Variants in ATXN3 observed in about 807,000 individuals in gnomAD.
ATXN3 encodes ataxin-3.
In ATXN3, 28 loss-of-function variants were observed where a neutral mutation model predicts 58.2. The observed-to-expected ratio is 0.48, with a 90% CI of 0.36 to 0.66. The LOEUF (loss-of-function observed/expected upper bound fraction) is 0.66, where lower values mean the gene tolerates loss of function less well. ATXN3 is among the 30% of genes least tolerant of loss of function. The pLI is 0.00. For missense variants in ATXN3, 321 were observed against 422.1 expected, an observed-to-expected ratio of 0.76 and a Z score of 2.10; for synonymous variants, 113 against 138.5, an observed-to-expected ratio of 0.82 and a Z score of 1.29.
Position 92,082,374 on chromosome 14 carries a change from G to A in ATXN3, c.701C>T (p.Ala234Val). The A allele has an allele frequency of 6.2e-7, 1 of 1,613,670 alleles. No homozygotes were observed. Among genetic ancestry groups the A allele is most frequent in the Non-Finnish European group, 8.5e-7 (1 of 1,179,608 alleles). The change falls in exon 8 of 11, where the codon GCA (alanine) becomes GTA (valine). Residue 234 changes from alanine to valine, a missense_variant. By Grantham distance (64) the Ala-to-Val change is moderately conservative. Around this residue, in one of 2 missense-constraint regions of ATXN3, gnomAD observed 200 missense variants for 223.2 expected, o/e 0.90. Transcript: ENST00000644486. ...EDEEDLQRALALSRQEIDMED... is the reference protein window; with the variant it reads ...EDEEDLQRALVLSRQEIDMED... ...CATGTCAATTTCTTGGCGACTTAGTGCCAGAGCCCTCTGCAAATCCTCCTC... is the reference window on the plus strand; with the variant it reads ...CATGTCAATTTCTTGGCGACTTAGTACCAGAGCCCTCTGCAAATCCTCCTC...
rs2057912508 is a variant in ATXN3, at chr14:92,063,370, A to C, written c.*950T>G. 6.6e-6 allele frequency: 1 copy of C among 152,184 alleles called. No individual in the cohort carries two copies. Among genetic ancestry groups the C allele is most frequent in the South Asian group, 2.1e-4 (1 of 4,828 alleles). The allele number at this position is 152,184 out of a possible 1,614,324, so 9.4% of individuals were successfully genotyped here. ...AAACTGCTATTAAAATTGAAGGCCA[A>C]ATTTCATGTATCATACATTCATGGT... On this transcript the variant is annotated 3_prime_UTR_variant, in exon 11 of 11. Transcript: ENST00000644486.
At chr14:92,094,085 A>C (rs955861339) in intron 3 of ATXN3, among the ~76,000 whole-genome samples, 6 of 151,614 alleles carry the variant, frequency 4.0e-5, no homozygotes, top group Non-Finnish European at 7.4e-5. Context: ...TGGGATTACA[A>C]GCACACGCCA....
intron 9 of ATXN3, among the ~76,000 whole-genome samples, chr14:92,072,860 T>C (rs55682138): frequency 4.5e-4 from 69 of 152,330 alleles, no homozygotes; most frequent in Admixed American, 4.2e-3. Context: ...CCTCTCAATT[T>C]TGTGTTTTAA....
intron 5 of ATXN3, among the ~76,000 whole-genome samples, chr14:92,089,332 CTT>C (rs1157498754): frequency 0.16 from 9,355 of 59,338 alleles, 299 homozygotes; most frequent in African/African-American, 0.25. Context: ...GCTAAATACT[CTT>C]TTTTTTTTTT....
In ATXN3 at chr14:92,061,207, G is replaced by A. The variant is rs2057756188; in HGVS notation, c.*3113C>T. On this transcript the variant is annotated 3_prime_UTR_variant, in exon 11 of 11. Transcript: ENST00000644486. ...TTGAGTTTTTTTCCTCATTTACTTTGGCATCATGAATAAAGTTAAGAAAAA... is the reference window on the plus strand; with the variant it reads ...TTGAGTTTTTTTCCTCATTTACTTTAGCATCATGAATAAAGTTAAGAAAAA... 4.6e-5 allele frequency: 7 copies of A among 150,768 alleles called. No homozygotes were observed. The South Asian group carries it at 1.5e-3, about 32-fold the overall frequency. 9.3% of individuals were successfully genotyped at this position (150,768 alleles called of 1,614,324 possible).
At chr14:92,058,145 T>TGCTG (rs1352873157), downstream of ATXN3, among the ~76,000 whole-genome samples, 4 of 152,238 alleles carry the variant, frequency 2.6e-5, no homozygotes, top group African/African-American at 4.8e-5. Flanking sequence ...CAATGGACTG[T>TGCTG]GCTGGCCTGC....
chr14:92,106,479 A>G lies in ATXN3; in HGVS notation c.24+50T>C, dbSNP rs774532005. On this transcript the variant is annotated intron_variant, in intron 1 of 10. Coordinates refer to ENST00000644486, the MANE Select transcript of ATXN3 (RefSeq NM_004993.6). ...CCGAGAGGCGGTGATGCCGCGCTCC[A>G]CGCCCGCCACCGCGCGGCAGACAGC... 23 of 1,609,456 alleles carry G rather than the reference A, an allele frequency of 1.4e-5. No homozygotes were observed. In the South Asian group the frequency reaches 2.4e-4, roughly 17 times the overall value.
chr14:92,086,253 C>CAAAAAAAAA lies in ATXN3; in HGVS notation c.475+2468_475+2476dup, dbSNP rs869147623. Among the ~76,000 whole-genome samples the CAAAAAAAAA allele has an allele frequency of 3.0e-3, 284 of 94,844 alleles. 6 individuals are homozygous for CAAAAAAAAA. The highest frequency in any genetic ancestry group is 0.016 in the South Asian group (44 of 2,716). The allele number at this position is 94,844 out of a possible 152,430, so 62.2% of individuals were successfully genotyped here. On this transcript the variant is annotated intron_variant, in intron 6 of 10. Transcript: ENST00000644486. ...TGAAACCCTGTCTCTACTAAAAATACAAAAAAAAAAAAAAAAAATTTAGCC... is the reference window on the plus strand; with the variant it reads ...TGAAACCCTGTCTCTACTAAAAATACAAAAAAAAAAAAAAAAAAAAAAAAAAATTTAGCC...
At chr14:92,070,715 G>C (rs2059268070) in intron 10 of ATXN3, 2 of 1,249,386 alleles carry the variant, frequency 1.6e-6, no homozygotes, top group Non-Finnish European at 2.1e-6. Context: ...CAAAGTGCTG[G>C]GATTACAGAT....
chr14:92,052,362 C>T (rs778730018), upstream of ATXN3, among the ~76,000 whole-genome samples: 8 of 151,898 alleles, frequency 5.3e-5, no homozygotes, highest in Non-Finnish European at 7.4e-5. Flanking sequence ...GGTGTGGTGG[C>T]CTGTAATCTC....
chr14:92,068,346 T>C (rs1423292725), intron 10 of ATXN3, among the ~76,000 whole-genome samples: 1 of 152,178 alleles, frequency 6.6e-6, no homozygotes, highest in Non-Finnish European at 1.5e-5. Context: ...TATTCTGTTT[T>C]GTTTGACTGG....
At chr14:92,084,179 T>C (rs1237247471) in intron 6 of ATXN3, among the ~76,000 whole-genome samples, 3 of 152,186 alleles carry the variant, frequency 2.0e-5, no homozygotes, top group Admixed American at 2.0e-4. Context: ...CCTTAATACA[T>C]TACCCTTCAT....
At chr14:92,085,750 C>G (rs975312871) in intron 6 of ATXN3, among the ~76,000 whole-genome samples, 1 of 152,124 alleles carries the variant, frequency 6.6e-6, no homozygotes, top group Non-Finnish European at 1.5e-5. Context: ...GATGCCAAAG[C>G]TAGGAGTTAG....
At chr14:92,088,424 A>G (rs7155310) in intron 6 of ATXN3, among the ~76,000 whole-genome samples, 43,004 of 152,088 alleles carry the variant, frequency 0.28, 6,423 homozygotes, top group East Asian at 0.44. Context: ...ACAGTGGCCT[A>G]GAAGAGGCAA....
At chr14:92,080,230 C>T (rs577003269) in intron 9 of ATXN3, among the ~76,000 whole-genome samples, 5 of 152,258 alleles carry the variant, frequency 3.3e-5, no homozygotes, top group Non-Finnish European at 5.9e-5. Flanking sequence ...GCTTACAGGA[C>T]TGCCTGAAGC....
intron 7 of ATXN3, 43 bp downstream of exon 7, chr14:92,083,083 T>C: frequency 6.4e-7 from 1 of 1,560,174 alleles, no homozygotes; most frequent in Non-Finnish European, 8.6e-7. Context: ...ATTCTCATAA[T>C]GAAATACTAC....
chr14:92,099,393 T>C (rs1263270424), intron 1 of ATXN3, among the ~76,000 whole-genome samples: 2 of 152,218 alleles, frequency 1.3e-5, no homozygotes, highest in African/African-American at 4.8e-5. Context: ...ATCTTCAACT[T>C]TTCGTAAGGA....
chr14:92,097,727 A>G (rs1039657192), intron 1 of ATXN3, among the ~76,000 whole-genome samples: 1 of 150,570 alleles, frequency 6.6e-6, no homozygotes, highest in Non-Finnish European at 1.5e-5. Flanking sequence ...CGGTTTCACA[A>G]TGTTAGCCAG....
chr14:92,070,264 GTTTA>G (rs910766569), intron 10 of ATXN3, among the ~76,000 whole-genome samples: 11 of 152,094 alleles, frequency 7.2e-5, no homozygotes, highest in African/African-American at 2.7e-4. Flanking sequence ...GGTAAAATGT[GTTTA>G]TTTTTCACCT....
Sources: allele counts gnomAD v4.1 joint callset (sites outside exome capture counted in the v4.1 genomes callset), GRCh38; gene constraint gnomAD v4.1.1; regional missense constraint gnomAD v4.1.1; transcripts MANE v1.5; gene names NCBI Gene and HGNC (gene_info 2026-07-23, HGNC 2026-07-21).